The following LRP1B variants were observed in gnomAD, a reference collection of about 807,000 sequenced individuals.
LRP1B encodes low-density lipoprotein receptor-related protein 1B.
LRP1B carries 217 observed loss-of-function variants against 556.6 expected under a neutral mutation model. The observed-to-expected ratio is 0.39, with a 90% CI of 0.35 to 0.44. The LOEUF is 0.44. LRP1B is among the 20% of genes least tolerant of loss of function. LRP1B has a pLI of 1.00. For missense variants in LRP1B, 5,053 were observed against 5,620.8 expected (o/e 0.90, Z 3.23); for synonymous variants, 2,047 against 1,865.8 (o/e 1.10, Z -2.50).
chr2:141,577,601 T>C (rs1686799170), intron 2 of LRP1B, among the ~76,000 whole-genome samples: 1 of 152,048 alleles, frequency 6.6e-6, no homozygotes, highest in Non-Finnish European at 1.5e-5. Flanking sequence ...CTGGCAGGCA[T>C]TTGTAGAGAT....
Position 141,738,157 on chromosome 2 carries a change from T to C in LRP1B, c.205+72122A>G, listed in dbSNP as rs139009008. On this transcript the variant is annotated intron_variant, in intron 2 of 90. Transcript: ENST00000389484. Reference sequence around the variant, plus strand: ...GCTACACTCTGTACATATGAGAACATTACAGATTTCTATAATATTAGCCCA... The same window carrying C: ...GCTACACTCTGTACATATGAGAACACTACAGATTTCTATAATATTAGCCCA... 9.6e-3 allele frequency among the ~76,000 whole-genome samples: 1,465 copies of C among 152,208 alleles called. 25 individuals are homozygous for C. The highest frequency in any genetic ancestry group is 0.034 in the African/African-American group (1,414 of 41,554).
intron 3 of LRP1B, among the ~76,000 whole-genome samples, chr2:141,343,754 G>A (rs1442469216): frequency 6.6e-6 from 1 of 152,114 alleles, no homozygotes; most frequent in African/African-American, 2.4e-5. Flanking sequence ...ATCCTTACAG[G>A]TTGCTTTTTA....
chr2:140,883,334 A>T (rs1008469977), intron 25 of LRP1B, among the ~76,000 whole-genome samples: 1 of 152,136 alleles, frequency 6.6e-6, no homozygotes. Context: ...GGACTCCTTC[A>T]AGCTTATTTA....
intron 1 of LRP1B, among the ~76,000 whole-genome samples, chr2:141,970,883 CCA>C (rs1452581225): frequency 6.6e-6 from 1 of 151,530 alleles, no homozygotes; most frequent in African/African-American, 2.4e-5. Flanking sequence ...TTATTCATGA[CCA>C]CAGTCTTTTT....
At chr2:140,812,117 C>T (rs974740476) in intron 32 of LRP1B, among the ~76,000 whole-genome samples, 10 of 152,234 alleles carry the variant, frequency 6.6e-5, no homozygotes, top group African/African-American at 2.2e-4. Flanking sequence ...AACCACTAAA[C>T]ATCTGATGAA....
chr2:140,493,727 CT>C (rs1437243857), intron 56 of LRP1B, among the ~76,000 whole-genome samples: 1 of 151,650 alleles, frequency 6.6e-6, no homozygotes, highest in African/African-American at 2.4e-5. Flanking sequence ...CGTTATTGTC[CT>C]TTTTAAATTG....
intron 41 of LRP1B, among the ~76,000 whole-genome samples, chr2:140,623,260 C>A (rs959494085): frequency 6.6e-6 from 1 of 152,072 alleles, no homozygotes; most frequent in African/African-American, 2.4e-5. Flanking sequence ...TTGTAACTAC[C>A]AATTTATTTA....
intron 1 of LRP1B, among the ~76,000 whole-genome samples, chr2:142,105,643 G>GA (rs1706719891): frequency 6.6e-6 from 1 of 152,142 alleles, no homozygotes; most frequent in African/African-American, 2.4e-5. Context: ...GATTTGTAGA[G>GA]AAAATTAATT....
chr2:141,614,983 A>G (rs1049751963), intron 2 of LRP1B, among the ~76,000 whole-genome samples: 5 of 152,140 alleles, frequency 3.3e-5, no homozygotes, highest in Non-Finnish European at 5.9e-5. Context: ...GCTGGAAGAG[A>G]TTTGAGTCAT....
At chr2:141,307,861 T>C (rs927619171) in intron 3 of LRP1B, among the ~76,000 whole-genome samples, 5 of 152,268 alleles carry the variant, frequency 3.3e-5, no homozygotes, top group South Asian at 4.1e-4. Flanking sequence ...GGGCAGGTTC[T>C]TACGGTCTTG....
At chr2:141,124,677 A>AAG (rs1553463453) in intron 7 of LRP1B, among the ~76,000 whole-genome samples, 10 of 151,192 alleles carry the variant, frequency 6.6e-5, no homozygotes, top group African/African-American at 2.4e-4. Flanking sequence ...AAAAAAAAAA[A>AAG]AAAGAAAAAA....
chr2:140,506,346 G>A (rs1156784417), intron 53 of LRP1B, among the ~76,000 whole-genome samples: 3 of 152,014 alleles, frequency 2.0e-5, no homozygotes, highest in Non-Finnish European at 4.4e-5. Flanking sequence ...CTGGGTACAA[G>A]CAATTCTCCT....
intron 31 of LRP1B, among the ~76,000 whole-genome samples, chr2:140,816,212 T>C (rs1691118554): frequency 6.6e-6 from 1 of 151,872 alleles, no homozygotes; most frequent in Admixed American, 6.6e-5. Context: ...CCACCTCCTG[T>C]GTTCAAGCAA....
intron 3 of LRP1B, among the ~76,000 whole-genome samples, chr2:141,284,088 A>G (rs1685614249): frequency 6.6e-6 from 1 of 152,160 alleles, no homozygotes; most frequent in African/African-American, 2.4e-5. Flanking sequence ...GAAACCTTGA[A>G]GTATTTCTGG....
intron 2 of LRP1B, among the ~76,000 whole-genome samples, chr2:141,507,791 A>G (rs1683984521): frequency 6.6e-6 from 1 of 152,148 alleles, no homozygotes. Flanking sequence ...AATATGCTTA[A>G]AAAATTAAAA....
chr2:141,097,544 T>C (rs1370382492), intron 7 of LRP1B, among the ~76,000 whole-genome samples: 1 of 152,200 alleles, frequency 6.6e-6, no homozygotes, highest in Non-Finnish European at 1.5e-5. Flanking sequence ...ATTGGAATGT[T>C]AATTTTAGAA....
intron 82 of LRP1B, among the ~76,000 whole-genome samples, chr2:140,315,730 G>C (rs1445887184): frequency 6.6e-6 from 1 of 152,130 alleles, no homozygotes; most frequent in African/African-American, 2.4e-5. Flanking sequence ...CTTTAAATTT[G>C]TAAGATACAT....
At chr2:140,326,826 A>C (rs11894060) in intron 79 of LRP1B, among the ~76,000 whole-genome samples, 43,461 of 152,008 alleles carry the variant, frequency 0.29, 6,378 homozygotes, top group East Asian at 0.38. Flanking sequence ...TCAGTGAATG[A>C]TAATGGACTG....
At chr2:140,275,299 G>A (rs1270729328) in intron 84 of LRP1B, among the ~76,000 whole-genome samples, 1 of 152,008 alleles carries the variant, frequency 6.6e-6, no homozygotes, top group East Asian at 1.9e-4. Flanking sequence ...CTCGGCAGTT[G>A]CCTTTGCTCA....
Sources: gnomAD v4.1 joint callset for allele counts (sites outside exome capture counted in the v4.1 genomes callset) on GRCh38, gnomAD v4.1.1 for gene constraint, MANE v1.5 for transcripts, NCBI Gene and HGNC (gene_info 2026-07-23, HGNC 2026-07-21) for gene names.